Variants in PTPRC observed in about 807,000 individuals in gnomAD.
The protein encoded by PTPRC is receptor-type tyrosine-protein phosphatase C.
In PTPRC, 44 loss-of-function variants were observed where a neutral mutation model predicts 155.9. The ratio of observed to expected loss-of-function variants is 0.28; its 90% CI spans 0.22 to 0.36. The LOEUF (loss-of-function observed/expected upper bound fraction) is 0.36. PTPRC is among the 10% of genes least tolerant of loss of function. The pLI, the probability that PTPRC is intolerant of heterozygous loss-of-function variation, is 1.00. For synonymous variants in PTPRC, 525 were observed against 533.1 expected (o/e 0.98, Z 0.21); for missense variants, 1,401 against 1,564.6 (o/e 0.90, Z 1.76).
At chr1:198,699,439 T>G (rs1000098046) in intron 4 of PTPRC, 125 bp from the exon 5 acceptor site, 47 of 1,167,106 alleles carry the variant, frequency 4.0e-5, no homozygotes, top group Non-Finnish European at 5.6e-5. Flanking sequence ...AGACACATTT[T>G]AACAGATTCA....
At chr1:198,693,908 C>A in intron 3 of PTPRC, 1 of 1,305,908 alleles carries the variant, frequency 7.7e-7, no homozygotes, top group Non-Finnish European at 1.0e-6. Context: ...TAGCGTGGTA[C>A]TATGTATTAG....
intron 3 of PTPRC, among the ~76,000 whole-genome samples, chr1:198,693,539 G>T (rs1291764742): frequency 6.6e-6 from 1 of 152,148 alleles, no homozygotes; most frequent in African/African-American, 2.4e-5. Context: ...CTTATTGAGG[G>T]AGTTTCTGTT....
At position 198,756,906 on chromosome 1, in the gene PTPRC, G is replaced by A. The variant is rs949277892; in HGVS notation, c.*725G>A. The A allele has an allele frequency of 3.3e-5, 5 of 151,660 alleles. No homozygotes were observed. The highest frequency in any genetic ancestry group is 1.3e-4 in the Admixed American group (2 of 15,200). The allele number at this position is 151,660 out of a possible 1,614,324, so 9.4% of individuals were successfully genotyped here. On this transcript the variant is annotated 3_prime_UTR_variant, in exon 33 of 33. Transcript: ENST00000442510. ...ATGGGGTTTTCAATTTTGCATGCTCGATTATTCCCTGTACAATATTTAAAA... is the reference window on the plus strand; with the variant it reads ...ATGGGGTTTTCAATTTTGCATGCTCAATTATTCCCTGTACAATATTTAAAA...
At chr1:198,694,597 T>C (rs1666101417) in intron 3 of PTPRC, 1 of 986,200 alleles carries the variant, frequency 1.0e-6, no homozygotes, top group Non-Finnish European at 1.2e-6. Flanking sequence ...AAAGGGATCA[T>C]TGGAAGCAGG....
At chr1:198,643,869 G>T (rs1355898172) in intron 2 of PTPRC, among the ~76,000 whole-genome samples, 10 of 152,072 alleles carry the variant, frequency 6.6e-5, no homozygotes, top group African/African-American at 2.4e-4. Flanking sequence ...TGCAAGGGCA[G>T]ATGGAATATG....
intron 2 of PTPRC, among the ~76,000 whole-genome samples, chr1:198,652,434 A>G (rs1274778760): frequency 1.3e-5 from 2 of 151,868 alleles, no homozygotes; most frequent in Non-Finnish European, 2.9e-5. Context: ...TTTACTCCCA[A>G]TGCTGAATAA....
Position 198,669,103 on chromosome 1 carries a change from G to A in PTPRC, c.74-23244G>A, listed in dbSNP as rs192980412. Among the ~76,000 whole-genome samples the A allele has an allele frequency of 1.7e-4, 26 of 152,324 alleles. No homozygotes were observed. In the East Asian group the frequency reaches 4.8e-3, roughly 28 times the overall value. The stretch of plus-strand genomic sequence containing the variant: ...GATTGACTTCTTCGCAAATAAAATG[G>A]TTGAAATAGTACCCAAAACTAGCAG... On this transcript the variant is annotated intron_variant, in intron 2 of 32. Transcript: ENST00000442510.
At chr1:198,684,081 A>G (rs960964564) in intron 2 of PTPRC, among the ~76,000 whole-genome samples, 1 of 151,864 alleles carries the variant, frequency 6.6e-6, no homozygotes, top group Non-Finnish European at 1.5e-5. Context: ...CAAAGACTTC[A>G]ATTTGACCAT....
chr1:198,651,162 C>T (rs1205602908), intron 2 of PTPRC, among the ~76,000 whole-genome samples: 1 of 151,610 alleles, frequency 6.6e-6, no homozygotes, highest in Non-Finnish European at 1.5e-5. Flanking sequence ...TATTGAGAGA[C>T]TAAAGAATTA....
intron 3 of PTPRC, among the ~76,000 whole-genome samples, chr1:198,696,301 CCTTTT>C (rs1666201628): frequency 6.6e-6 from 1 of 151,714 alleles, no homozygotes; most frequent in African/African-American, 2.4e-5. Flanking sequence ...CTTTCTCTAT[CCTTTT>C]CTTTATCTAC....
intron 23 of PTPRC, among the ~76,000 whole-genome samples, chr1:198,735,658 G>C (rs1654603343): frequency 6.6e-6 from 1 of 151,612 alleles, no homozygotes; most frequent in African/African-American, 2.4e-5. Context: ...ACTGTAAGAA[G>C]TATAAAGTTC....
Position 198,729,146 on chromosome 1 carries a change from T to A in PTPRC, c.1839T>A (p.Asp613Glu). 6.2e-7 allele frequency: 1 copy of A among 1,611,032 alleles called. No homozygotes were observed. The highest frequency in any genetic ancestry group is 8.5e-7 in the Non-Finnish European group (1 of 1,178,312). The change falls in exon 17 of 33, where the codon GAT becomes GAA. Residue 613 changes from aspartate (D) to glutamate (E), a missense_variant. By Grantham distance (45) the Asp-to-Glu change is conservative. Around this residue, in one of 3 missense-constraint regions of PTPRC, gnomAD observed 867 missense variants for 970.4 expected, o/e 0.89. Coordinates refer to ENST00000442510, the MANE Select transcript of PTPRC (RefSeq NM_002838.5). ...TTTCCTATTTTCACAGCAATTTAGA[T>A]GAACAGCAGGAGCTTGTTGAAAGGG... ...DLHKKRSCNL[D>E]EQQELVERDD...
intron 6 of PTPRC, among the ~76,000 whole-genome samples, chr1:198,702,910 CA>C (rs1666533607): frequency 6.6e-6 from 1 of 151,848 alleles, no homozygotes; most frequent in Non-Finnish European, 1.5e-5. Flanking sequence ...TTAATTATGT[CA>C]AAATAATTAA....
At chr1:198,670,479 A>T (rs1333528216) in intron 2 of PTPRC, among the ~76,000 whole-genome samples, 1 of 152,174 alleles carries the variant, frequency 6.6e-6, no homozygotes, top group Admixed American at 6.5e-5. Context: ...TTAAAAATTA[A>T]ATCTTCTAAT....
intron 7 of PTPRC, 33 bp downstream of exon 7, chr1:198,703,405 T>C (rs779853312): frequency 6.2e-7 from 1 of 1,609,528 alleles, no homozygotes; most frequent in African/African-American, 1.3e-5. Context: ...AGCCACACCA[T>C]CCCCATGTGC....
intron 3 of PTPRC, among the ~76,000 whole-genome samples, chr1:198,695,698 CTT>C (rs1427666671): frequency 1.3e-5 from 2 of 151,992 alleles, no homozygotes; most frequent in East Asian, 3.9e-4. Context: ...TTAAAGTAAA[CTT>C]GAGCTGTGGA....
chr1:198,640,446 A>G (rs1466637325), intron 2 of PTPRC, among the ~76,000 whole-genome samples: 1 of 151,862 alleles, frequency 6.6e-6, no homozygotes, highest in Non-Finnish European at 1.5e-5. Flanking sequence ...CTATTTGGAG[A>G]GGAAAGAAAG....
At chr1:198,709,136 A>C (rs1451369697) in intron 10 of PTPRC, among the ~76,000 whole-genome samples, 1 of 152,224 alleles carries the variant, frequency 6.6e-6, no homozygotes, top group African/African-American at 2.4e-5. Flanking sequence ...TGTATTTGCT[A>C]TATACAGATT....
intron 10 of PTPRC, among the ~76,000 whole-genome samples, 200 bp downstream of exon 10, chr1:198,708,461 A>G (rs997786800): frequency 3.9e-5 from 6 of 152,230 alleles, no homozygotes; most frequent in Non-Finnish European, 8.8e-5. Flanking sequence ...TACAATTCAA[A>G]CAAATTCACA....
Sources: gnomAD v4.1 joint callset for allele counts (sites outside exome capture counted in the v4.1 genomes callset) on GRCh38, gnomAD v4.1.1 for gene constraint, gnomAD v4.1.1 regional missense constraint, MANE v1.5 for transcripts, NCBI Gene and HGNC (gene_info 2026-07-23, HGNC 2026-07-21) for gene names.